CAP2: variants seen among roughly 807,000 people sequenced by gnomAD.
CAP2 encodes the protein cyclase associated actin cytoskeleton regulatory protein 2, also known as adenylyl cyclase-associated protein 2.
A neutral mutation model predicts 57.7 loss-of-function variants in CAP2; 24 were observed. That is an observed-to-expected ratio of 0.42 (90% CI 0.30 to 0.58). The LOEUF (loss-of-function observed/expected upper bound fraction) is 0.58, where lower values mean the gene tolerates loss of function less well. Ranked by LOEUF, CAP2 falls within the 20% of genes least tolerant of loss-of-function variation. CAP2 has a pLI of 0.22. For missense variants in CAP2, 501 were observed against 590.3 expected, an observed-to-expected ratio of 0.85 and a Z score of 1.57; for synonymous variants, 194 against 207.2, an observed-to-expected ratio of 0.94 and a Z score of 0.55.
At chr6:17,500,366 T>A (rs1359754356) in intron 4 of CAP2, among the ~76,000 whole-genome samples, 1 of 103,598 alleles carries the variant, frequency 9.7e-6, no homozygotes, top group Non-Finnish European at 1.9e-5. Context: ...TATATATATA[T>A]ATATATATAT....
chr6:17,523,040 G>A (rs1762425895), intron 7 of CAP2, among the ~76,000 whole-genome samples: 1 of 152,170 alleles, frequency 6.6e-6, no homozygotes, highest in African/African-American at 2.4e-5. Context: ...AGCCTGCATG[G>A]GTTCTTAAGC....
At position 17,533,078 on chromosome 6, in the gene CAP2, C is replaced by CAAAAAAAA. The variant is rs58337644; in HGVS notation, c.637-6178_637-6171dup. ...AAAACTCCATCTCAACACCCCCCAC[C>CAAAAAAAA]AAAAAAAAAAAAAAAAAAAAGAACT... On this transcript the variant is annotated intron_variant, in intron 7 of 12. Coordinates refer to ENST00000229922, the MANE Select transcript of CAP2 (RefSeq NM_006366.3). Among the ~76,000 whole-genome samples, 130 of 87,504 alleles carry CAAAAAAAA rather than the reference C, an allele frequency of 1.5e-3. 1 individual carries two copies. Among genetic ancestry groups the CAAAAAAAA allele is most frequent in the African/African-American group, 3.6e-3 (84 of 23,100 alleles). The allele number at this position is 87,504 out of a possible 152,430, so 57.4% of individuals were successfully genotyped here. A position where few individuals can be genotyped will look rare whatever the true frequency, so the allele number is the denominator to read the frequency against.
At chr6:17,546,117 C>T (rs1033356997) in intron 11 of CAP2, among the ~76,000 whole-genome samples, 6 of 152,226 alleles carry the variant, frequency 3.9e-5, no homozygotes, top group Admixed American at 1.3e-4. Flanking sequence ...GGAATCACCA[C>T]GCTGTCTTCC....
At chr6:17,510,188 G>A (rs1015494512) in intron 6 of CAP2, among the ~76,000 whole-genome samples, 1 of 152,002 alleles carries the variant, frequency 6.6e-6, no homozygotes, top group Non-Finnish European at 1.5e-5. Flanking sequence ...TGGGTGTAGG[G>A]TTTCTTTTGG....
intron 4 of CAP2, among the ~76,000 whole-genome samples, chr6:17,501,564 T>G (rs1385613296): frequency 1.3e-5 from 2 of 152,224 alleles, no homozygotes; most frequent in African/African-American, 4.8e-5. Context: ...CAGGCCTATT[T>G]TGTTTTGCTC....
chr6:17,483,151 TG>T (rs113225414), intron 4 of CAP2, among the ~76,000 whole-genome samples: 1,947 of 152,250 alleles, frequency 0.013, 40 homozygotes, highest in African/African-American at 0.044. Flanking sequence ...TGCCAGTTGG[TG>T]GGGTTTCATT....
intron 4 of CAP2, among the ~76,000 whole-genome samples, chr6:17,494,030 T>C (rs901051419): frequency 1.3e-5 from 2 of 152,066 alleles, no homozygotes; most frequent in Admixed American, 1.3e-4. Flanking sequence ...CCACATCCGG[T>C]CTAAAATCTA....
chr6:17,394,838 A>C (rs1016755323), intron 1 of CAP2, among the ~76,000 whole-genome samples: 2 of 152,170 alleles, frequency 1.3e-5, no homozygotes, highest in African/African-American at 4.8e-5. Context: ...GAAAGCAAGG[A>C]TGGGTTGTTT....
At chr6:17,451,430 A>G (rs1338636885) in intron 3 of CAP2, among the ~76,000 whole-genome samples, 6 of 152,052 alleles carry the variant, frequency 3.9e-5, no homozygotes, top group Non-Finnish European at 8.8e-5. Context: ...ACTCACATGC[A>G]CTAATGATTC....
In CAP2 at chr6:17,463,080, G is replaced by T. The variant is rs373541335; in HGVS notation, c.300+7G>T. On this transcript the variant is annotated splice_region_variant and intron_variant, in intron 4 of 12. Coordinates refer to ENST00000229922, the MANE Select transcript of CAP2 (RefSeq NM_006366.3). ...GTACCAACAACCCCACGAGGTAAGA[G>T]AGTGTCCTGAGAGGGAAGGTGTCCC... 34 of 1,603,922 alleles carry T rather than the reference G, an allele frequency of 2.1e-5. No homozygotes were observed. Among genetic ancestry groups the T allele is most frequent in the Non-Finnish European group, 2.7e-5 (32 of 1,170,832 alleles).
chr6:17,543,012 G>A (rs1235739168), intron 10 of CAP2, 49 bp from the exon 11 acceptor site: 12 of 1,612,124 alleles, frequency 7.4e-6, no homozygotes, highest in Non-Finnish European at 9.3e-6. Flanking sequence ...TAAACAAGCT[G>A]TATGTATTTA....
At chr6:17,475,136 A>G (rs891430277) in intron 4 of CAP2, among the ~76,000 whole-genome samples, 2 of 151,646 alleles carry the variant, frequency 1.3e-5, no homozygotes, top group African/African-American at 4.9e-5. Context: ...CGGAGGTTGC[A>G]GTGAGCTGAG....
intron 7 of CAP2, among the ~76,000 whole-genome samples, chr6:17,537,711 G>A (rs995431058): frequency 5.3e-5 from 8 of 151,980 alleles, no homozygotes; most frequent in African/African-American, 1.2e-4. Context: ...TTTAAGCTTC[G>A]TGACTATTTA....
At chr6:17,540,898 A>T in intron 8 of CAP2, 75 bp from the exon 9 acceptor site, 1 of 1,400,054 alleles carries the variant, frequency 7.1e-7, no homozygotes, top group African/African-American at 1.4e-5. Context: ...CTTTATTTAC[A>T]TCATGTTGAT....
intron 7 of CAP2, among the ~76,000 whole-genome samples, chr6:17,528,940 G>C (rs926452540): frequency 1.4e-4 from 21 of 152,186 alleles, no homozygotes; most frequent in African/African-American, 2.9e-4. Context: ...GTGGAGCCGG[G>C]TGCAGTGGCT....
intron 11 of CAP2, among the ~76,000 whole-genome samples, chr6:17,548,527 A>C (rs763275071): frequency 6.6e-6 from 1 of 152,200 alleles, no homozygotes; most frequent in Non-Finnish European, 1.5e-5. Context: ...GTGATGTTGT[A>C]AGTAAATGGA....
intron 4 of CAP2, among the ~76,000 whole-genome samples, chr6:17,495,416 T>G (rs1761639689): frequency 6.6e-6 from 1 of 152,202 alleles, no homozygotes; most frequent in Non-Finnish European, 1.5e-5. Flanking sequence ...AAGCTTTACA[T>G]CTAAGAACTG....
intron 7 of CAP2, chr6:17,530,782 G>A: frequency 1.8e-6 from 1 of 540,906 alleles, no homozygotes; most frequent in East Asian, 3.3e-5. Flanking sequence ...CCAAGAGACT[G>A]TCAGGTGATA....
chr6:17,522,361 A>G (rs1762411902), intron 7 of CAP2, among the ~76,000 whole-genome samples: 1 of 152,216 alleles, frequency 6.6e-6, no homozygotes, highest in Admixed American at 6.5e-5. Context: ...CTTACCATGT[A>G]CCAAGCACAC....
Sources: gnomAD v4.1 joint callset for allele counts (sites outside exome capture counted in the v4.1 genomes callset) on GRCh38, gnomAD v4.1.1 for gene constraint, MANE v1.5 for transcripts, NCBI Gene and HGNC (gene_info 2026-07-23, HGNC 2026-07-21) for gene names.